The following SCFD2 variants were observed in gnomAD, a reference collection of about 807,000 sequenced individuals.
SCFD2 encodes sec1 family domain-containing protein 2.
Under a neutral mutation model 58.9 loss-of-function variants are expected in SCFD2, and 54 were observed. The observed-to-expected ratio is 0.92, with a 90% CI of 0.74 to 1.15. The LOEUF (loss-of-function observed/expected upper bound fraction) is 1.15. Among genes scored for constraint, SCFD2 ranks in the 50% most tolerant of loss-of-function variants. The pLI, the probability that SCFD2 is intolerant of heterozygous loss-of-function variation, is 0.00. For synonymous variants in SCFD2, 321 were observed against 335.9 expected (o/e 0.96, Z 0.49); for missense variants, 805 against 836.6 (o/e 0.96, Z 0.47).
At chr4:53,048,596 C>A (rs940209510) in intron 5 of SCFD2, among the ~76,000 whole-genome samples, 1 of 152,122 alleles carries the variant, frequency 6.6e-6, no homozygotes, top group African/African-American at 2.4e-5. Context: ...AAAAAATTAG[C>A]CATGGGTGGT....
intron 3 of SCFD2, among the ~76,000 whole-genome samples, chr4:53,292,540 G>A (rs1731875196): frequency 6.6e-6 from 1 of 152,126 alleles, no homozygotes. Context: ...TTATTAAAAA[G>A]TCATGAAACA....
At chr4:53,108,755 C>G (rs150099749) in intron 5 of SCFD2, among the ~76,000 whole-genome samples, 1,524 of 152,218 alleles carry the variant, frequency 0.01, 12 homozygotes, top group Non-Finnish European at 0.017. Context: ...AGCCCAGGAC[C>G]AGACAGAGTC....
In SCFD2 at chr4:53,139,735, T is replaced by C. The variant is rs570158221; in HGVS notation, c.1561+5598A>G. Among the ~76,000 whole-genome samples, 6 of 152,350 alleles carry C rather than the reference T, an allele frequency of 3.9e-5. No homozygotes were observed. The East Asian group carries it at 9.6e-4, about 24-fold the overall frequency. On this transcript the variant is annotated intron_variant, in intron 5 of 8. Coordinates refer to ENST00000401642, the MANE Select transcript of SCFD2 (RefSeq NM_152540.4). The stretch of plus-strand genomic sequence containing the variant: ...CCAACAGCTCATTGAGAACAGGCCA[T>C]GATGACGATGGTGGTTTTGTCGAAT...
intron 5 of SCFD2, among the ~76,000 whole-genome samples, chr4:52,939,402 C>G (rs905203642): frequency 2.6e-5 from 4 of 152,024 alleles, no homozygotes; most frequent in African/African-American, 9.7e-5. Flanking sequence ...GATTCCAATC[C>G]AGGCTTGTCT....
intron 5 of SCFD2, among the ~76,000 whole-genome samples, chr4:52,958,565 C>T (rs544977346): frequency 3.9e-4 from 59 of 152,236 alleles, no homozygotes; most frequent in East Asian, 9.6e-4. Flanking sequence ...ATCGGCTTAC[C>T]GTCAGATCCA....
rs1734676829 is a variant in SCFD2, at chr4:53,365,617, G to A, written c.325C>T (p.His109Tyr). 1.2e-6 allele frequency: 2 copies of A among 1,614,222 alleles called. No individual in the cohort carries two copies. Among genetic ancestry groups the A allele is most frequent in the Non-Finnish European group, 1.7e-6 (2 of 1,180,044 alleles). Residue 109 changes from histidine to tyrosine, a missense_variant, in exon 1 of 9, where the codon CAC becomes TAC. His to Tyr is a moderately conservative substitution (Grantham distance 83). Around this residue, in one of 3 missense-constraint regions of SCFD2, gnomAD observed 155 missense variants for 149.7 expected, o/e 1.04. Transcript: ENST00000401642. This position sits in a 1 kb window ranked among gnomAD's most constrained non-coding sequence, Gnocchi z 4.3. ...QYCVVVTTVS[H>Y]AVHLTANHVP... ...TGATTAGCTGTGAGGTGGACAGCGT[G>A]GCTCACGGTTGTGACCACCACACAA... is the stretch of plus-strand genomic sequence containing the variant.
At chr4:52,951,209 G>A (rs1720584934) in intron 5 of SCFD2, among the ~76,000 whole-genome samples, 1 of 152,060 alleles carries the variant, frequency 6.6e-6, no homozygotes, top group African/African-American at 2.4e-5. Context: ...ACTCACCAAA[G>A]AGCCAGCCAT....
intron 5 of SCFD2, among the ~76,000 whole-genome samples, chr4:52,980,519 C>G (rs954770498): frequency 1.3e-5 from 2 of 152,120 alleles, no homozygotes; most frequent in Non-Finnish European, 2.9e-5. Flanking sequence ...CAAGTTAGCT[C>G]ATGTTGTTAT....
intron 2 of SCFD2, among the ~76,000 whole-genome samples, chr4:53,349,278 T>C (rs1734146634): frequency 6.6e-6 from 1 of 152,212 alleles, no homozygotes; most frequent in Non-Finnish European, 1.5e-5. Flanking sequence ...ATGAAGACTT[T>C]GTCTGCAAGT....
rs1172701161 is a variant in SCFD2 at position 52,967,330 on chromosome 4, T to C, written c.1562-46460A>G. 2.0e-5 allele frequency among the ~76,000 whole-genome samples: 3 copies of C among 152,298 alleles called. No individual in the cohort carries two copies. The South Asian group carries it at 6.2e-4, about 32-fold the overall frequency. The stretch of plus-strand genomic sequence containing the variant: ...CTGGGACCTTGCCCTAAATCCCATT[T>C]TGCCTCTGGGACCCGAGAACCCCTC... On this transcript the variant is annotated intron_variant, in intron 5 of 8. Coordinates refer to ENST00000401642, the MANE Select transcript of SCFD2 (RefSeq NM_152540.4).
At chr4:53,285,930 C>A (rs1355016608) in intron 3 of SCFD2, among the ~76,000 whole-genome samples, 1 of 152,118 alleles carries the variant, frequency 6.6e-6, no homozygotes, top group Non-Finnish European at 1.5e-5. Context: ...TTCTGTCCCA[C>A]CACCCACCAC....
chr4:53,185,782 G>GC (rs1291943222), intron 4 of SCFD2, among the ~76,000 whole-genome samples: 1 of 151,944 alleles, frequency 6.6e-6, no homozygotes, highest in Non-Finnish European at 1.5e-5. Context: ...TTAATTAGTA[G>GC]CCAATGAACA....
At position 53,220,366 on chromosome 4, in the gene SCFD2, C is replaced by A. The variant is rs73817541; in HGVS notation, c.1311+53460G>T. On this transcript the variant is annotated intron_variant, in intron 4 of 8. Transcript: ENST00000401642. ...TGTTGGTTTCTTTACTGTCTGTTTT[C>A]TTAACTAGAATGTAAGTTGTGTGAA... Among the ~76,000 whole-genome samples, 142 of 152,264 alleles carry A rather than the reference C, an allele frequency of 9.3e-4. 1 individual carries two copies. The highest frequency in any genetic ancestry group is 7.5e-3 in the South Asian group (36 of 4,826).
chr4:52,894,266 A>G (rs559005747), intron 7 of SCFD2, among the ~76,000 whole-genome samples: 17 of 152,356 alleles, frequency 1.1e-4, no homozygotes, highest in Admixed American at 2.6e-4. Flanking sequence ...ACATAAAAGG[A>G]GGTAAAAGGG....
At chr4:53,351,327 A>C (rs1734213440) in intron 2 of SCFD2, among the ~76,000 whole-genome samples, 1 of 152,164 alleles carries the variant, frequency 6.6e-6, no homozygotes, top group Admixed American at 6.6e-5. Flanking sequence ...TAAGTCATTC[A>C]AGACATAATT....
intron 5 of SCFD2, among the ~76,000 whole-genome samples, chr4:53,091,868 T>C (rs1577719624): frequency 1.3e-5 from 2 of 152,286 alleles, no homozygotes; most frequent in Admixed American, 6.5e-5. Flanking sequence ...CAATAATTTA[T>C]AGCTTTTCTT....
chr4:52,913,246 G>A (rs1407424397), intron 6 of SCFD2, among the ~76,000 whole-genome samples: 1 of 152,128 alleles, frequency 6.6e-6, no homozygotes, highest in Non-Finnish European at 1.5e-5. Flanking sequence ...GGCCTGTTAG[G>A]AACCGGGCCA....
At chr4:52,898,425 A>G (rs1719085422) in intron 7 of SCFD2, among the ~76,000 whole-genome samples, 1 of 152,166 alleles carries the variant, frequency 6.6e-6, no homozygotes, top group Admixed American at 6.5e-5. Context: ...GTAGTTATTC[A>G]CCAGCAGGTT....
intron 4 of SCFD2, among the ~76,000 whole-genome samples, chr4:53,191,385 C>A (rs184636498): frequency 9.9e-5 from 15 of 151,964 alleles, no homozygotes; most frequent in South Asian, 2.1e-4. Context: ...TGAAAATATT[C>A]ATAAATTATG....
Sources: gnomAD v4.1 joint callset for allele counts (sites outside exome capture counted in the v4.1 genomes callset) on GRCh38, gnomAD v4.1.1 for gene constraint, gnomAD v4.1.1 regional missense constraint, Gnocchi (gnomAD v3.1) non-coding constraint, MANE v1.5 for transcripts, NCBI Gene and HGNC (gene_info 2026-07-23, HGNC 2026-07-21) for gene names.